USH2A: variants seen among roughly 807,000 people sequenced by gnomAD.
The protein encoded by USH2A is Usher syndrome 2A (autosomal recessive, mild).
Under a neutral mutation model 538.9 loss-of-function variants are expected in USH2A, and 443 were observed. The observed-to-expected ratio is 0.82, with a 90% CI of 0.76 to 0.89. USH2A has a LOEUF of 0.89. USH2A is among the 40% of genes least tolerant of loss of function. The pLI is 0.00. For synonymous variants in USH2A, 2,413 were observed against 2,273.5 expected (o/e 1.06, Z -1.75); for missense variants, 6,633 against 6,324.8 (o/e 1.05, Z -1.65).
chr1:215,717,024 G>T (rs1455800316), intron 61 of USH2A, among the ~76,000 whole-genome samples: 1 of 152,148 alleles, frequency 6.6e-6, no homozygotes, highest in Non-Finnish European at 1.5e-5. Flanking sequence ...GTGGGCAAAT[G>T]TCTTCTGGCT....
chr1:216,384,755 T>A (rs1571765678), intron 3 of USH2A, among the ~76,000 whole-genome samples: 2 of 152,136 alleles, frequency 1.3e-5, no homozygotes, highest in Non-Finnish European at 2.9e-5. Flanking sequence ...AGAATAGGTG[T>A]CTGGTGGCAA....
At position 216,325,534 on chromosome 1, in the gene USH2A, G is replaced by A. The variant is rs2037714430; in HGVS notation, c.914C>T (p.Pro305Leu). ...RLHAQSHCRC[P>L]GSHPRVHPLA... ...AGGGTGGACCCGCGGGTGGCTGCCA[G>A]GGCAACGGCAATGTGATTGGGCATG... is the stretch of plus-strand genomic sequence containing the variant. Residue 305 changes from proline to leucine, a missense_variant, in exon 6 of 72, where the codon CCT (proline) becomes CTT (leucine). By Grantham distance (98) the Pro-to-Leu change is moderately conservative (BLOSUM62 -3). Coordinates refer to ENST00000307340, the MANE Select transcript of USH2A (RefSeq NM_206933.4). 2 of 1,613,450 alleles carry A rather than the reference G, an allele frequency of 1.2e-6. No individual in the cohort carries two copies. Among genetic ancestry groups the A allele is most frequent in the South Asian group, 1.1e-5 (1 of 91,070 alleles).
In USH2A at chr1:216,232,093, G is replaced by A. The variant is rs755849157; in HGVS notation, c.2853C>T (p.Cys951=). The change falls in exon 14 of 72, where the codon TGC becomes TGT. Residue 951 remains cysteine, a synonymous_variant. Transcript: ENST00000307340. ...TAACTGCACCAGTTGTATGGCATGA[G>A]CATGGCAGGCAGCCAGTGGCATTGC... The part of the protein sequence containing the change: ...SPGNATGCLP[C]SCHTTGAVNH... 3.1e-6 allele frequency: 5 copies of A among 1,613,736 alleles called. No homozygotes were observed. In the African/African-American group the frequency reaches 4.0e-5, roughly 13 times the overall value.
chr1:215,671,372 TAA>T (rs756861779), intron 63 of USH2A, 79 bp from the exon 64 acceptor site: 111 of 1,155,854 alleles, frequency 9.6e-5, no homozygotes, highest in Non-Finnish European at 1.3e-4. Flanking sequence ...CACCAGGCCT[TAA>T]AAAAAAAAGA....
At chr1:216,182,654 A>T (rs2034517681) in intron 20 of USH2A, among the ~76,000 whole-genome samples, 1 of 152,140 alleles carries the variant, frequency 6.6e-6, no homozygotes, top group Non-Finnish European at 1.5e-5. Flanking sequence ...CTAATAGTGC[A>T]TCTCTGTATT....
In USH2A at chr1:216,246,876, T is replaced by C. The variant is rs772578942; in HGVS notation, c.2518A>G (p.Asn840Asp). The C allele has an allele frequency of 6.2e-7, 1 of 1,614,136 alleles. No individual in the cohort carries two copies. The highest frequency in any genetic ancestry group is 1.1e-5 in the South Asian group (1 of 91,086). ...TTGCAAGGCAGACAGAGGAAAGAATTATTTTGCCGTAGGTAGAAGTTTCCC... is the reference window on the plus strand; with the variant it reads ...TTGCAAGGCAGACAGAGGAAAGAATCATTTTGCCGTAGGTAGAAGTTTCCC... ...LEGNFYLRQN[N>D]SFLCLPCNCD... The change falls in exon 13 of 72, where the codon AAT becomes GAT. Residue 840 changes from asparagine to aspartate, a missense_variant. Transcript: ENST00000307340.
At chr1:215,734,332 C>T (rs74144015) in intron 60 of USH2A, among the ~76,000 whole-genome samples, 6,161 of 152,262 alleles carry the variant, frequency 0.04, 381 homozygotes, top group African/African-American at 0.13. Context: ...GGCTCTGGGC[C>T]TGGCCCTCAA....
intron 21 of USH2A, chr1:216,174,398 A>T: frequency 1.0e-6 from 1 of 985,130 alleles, no homozygotes; most frequent in Non-Finnish European, 1.2e-6. Flanking sequence ...TGCTATTAGA[A>T]GCTGTAAGTC....
Position 216,089,138 on chromosome 1 carries a change from C to G in USH2A, c.4760G>C (p.Gly1587Ala), listed in dbSNP as rs757268481. The change falls in exon 23 of 72, where the codon GGG (glycine) becomes GCG (alanine). Residue 1587 changes from glycine (G) to alanine (A), a missense_variant and splice_region_variant. Physicochemically the swap from Gly to Ala is moderately conservative, Grantham distance 60 (BLOSUM62 0). Transcript: ENST00000307340. ...GRLYFLFDPQ[G>A]SPVEVTTTND... The stretch of plus-strand genomic sequence containing the variant: ...AGTTGTAGTTACTTCCACTGGTGAC[C>G]CCTTAAGGGAATGAATGAATAAATA... 6.2e-7 allele frequency: 1 copy of G among 1,612,158 alleles called. No individual in the cohort carries two copies. Among genetic ancestry groups the G allele is most frequent in the Middle Eastern group, 1.7e-4 (1 of 6,052 alleles).
At position 216,032,351 on chromosome 1, in the gene USH2A, A is replaced by G. The variant is rs191362602; in HGVS notation, c.6325+14080T>C. 3.1e-3 allele frequency among the ~76,000 whole-genome samples: 476 copies of G among 152,282 alleles called. 3 individuals are homozygous for G. Among genetic ancestry groups the G allele is most frequent in the East Asian group, 0.012 (60 of 5,176 alleles). ...CTAATCTTTTTATATGCACTATCAC[A>G]TTTAATTTTTATACTAAATCCCTAA... On this transcript the variant is annotated intron_variant, in intron 32 of 71. Transcript: ENST00000307340.
intron 21 of USH2A, among the ~76,000 whole-genome samples, chr1:216,135,143 CTCT>C (rs1177290317): frequency 8.3e-6 from 1 of 120,758 alleles, no homozygotes; most frequent in African/African-American, 3.8e-5. Context: ...AACTCTCTCT[CTCT>C]CTCTCTCTCT....
intron 21 of USH2A, among the ~76,000 whole-genome samples, chr1:216,129,397 G>A (rs1344031347): frequency 6.6e-6 from 1 of 151,886 alleles, no homozygotes; most frequent in Non-Finnish European, 1.5e-5. Context: ...CCTCAAATCA[G>A]TAGCATTTCT....
At chr1:215,903,618 G>A (rs1274649916) in intron 38 of USH2A, among the ~76,000 whole-genome samples, 1 of 152,024 alleles carries the variant, frequency 6.6e-6, no homozygotes, top group Admixed American at 6.6e-5. Context: ...AACAGAGCAG[G>A]GATAGTTCTC....
chr1:215,875,588 T>G (rs1166144619), intron 43 of USH2A, among the ~76,000 whole-genome samples: 1 of 152,190 alleles, frequency 6.6e-6, no homozygotes, highest in Non-Finnish European at 1.5e-5. Flanking sequence ...CATAACTAAC[T>G]TCATGGCCTT....
At chr1:216,106,516 A>T (rs1049562408) in intron 21 of USH2A, among the ~76,000 whole-genome samples, 1 of 151,214 alleles carries the variant, frequency 6.6e-6, no homozygotes, top group African/African-American at 2.4e-5. Flanking sequence ...ATAGATTTTT[A>T]AAATTAATCC....
At chr1:216,352,512 T>C (rs1204867952) in intron 4 of USH2A, among the ~76,000 whole-genome samples, 4 of 152,134 alleles carry the variant, frequency 2.6e-5, no homozygotes, top group Non-Finnish European at 5.9e-5. Context: ...TGACTGTAGA[T>C]GGTGGAATTT....
intron 55 of USH2A, among the ~76,000 whole-genome samples, chr1:215,767,065 C>T (rs924090230): frequency 2.6e-5 from 4 of 152,146 alleles, no homozygotes; most frequent in East Asian, 3.9e-4. Context: ...TACAAGATGT[C>T]ATTGAAAAGG....
intron 26 of USH2A, among the ~76,000 whole-genome samples, chr1:216,081,063 C>G (rs148205804): frequency 6.6e-6 from 1 of 151,988 alleles, no homozygotes; most frequent in Non-Finnish European, 1.5e-5. Context: ...AAAACAAGTT[C>G]TCATACCCGT....
intron 59 of USH2A, 112 bp from the exon 60 acceptor site, chr1:215,741,649 C>A: frequency 8.6e-7 from 1 of 1,161,568 alleles, no homozygotes; most frequent in South Asian, 1.4e-5. Context: ...TGTCCTTTTG[C>A]ATATATACTT....
Sources: gnomAD v4.1 joint callset for allele counts (sites outside exome capture counted in the v4.1 genomes callset) on GRCh38, gnomAD v4.1.1 for gene constraint, MANE v1.5 for transcripts, NCBI Gene and HGNC (gene_info 2026-07-23, HGNC 2026-07-21) for gene names.